The following MGAT5 variants were observed in gnomAD, a reference collection of about 807,000 sequenced individuals.
MGAT5 encodes the protein alpha-1,6-mannosylglycoprotein 6-beta-N-acetylglucosaminyltransferase A.
A neutral mutation model predicts 94.3 loss-of-function variants in MGAT5; 30 were observed. The ratio of observed to expected loss-of-function variants is 0.32; its 90% CI spans 0.24 to 0.43. The LOEUF (loss-of-function observed/expected upper bound fraction) is 0.43, where lower values mean the gene tolerates loss of function less well. Among genes scored for constraint, MGAT5 ranks in the 20% least tolerant of loss-of-function variants. The pLI, the probability that MGAT5 is intolerant of heterozygous loss-of-function variation, is 1.00. For synonymous variants in MGAT5, 310 were observed against 322.9 expected (o/e 0.96, Z 0.43); for missense variants, 691 against 905.5 (o/e 0.76, Z 3.04).
At chr2:134,441,628 G>A in intron 14 of MGAT5, 130 bp from the exon 15 acceptor site, 1 of 1,110,102 alleles carries the variant, frequency 9.0e-7, no homozygotes, top group Non-Finnish European at 1.3e-6. Flanking sequence ...GCCCATCCAT[G>A]TGGCTCCCAA....
At chr2:134,329,204 T>C (rs1243716216) in intron 4 of MGAT5, among the ~76,000 whole-genome samples, 1 of 152,070 alleles carries the variant, frequency 6.6e-6, no homozygotes, top group Non-Finnish European at 1.5e-5. Flanking sequence ...GGAGGTTGGC[T>C]TATGTAGGGC....
intron 2 of MGAT5, among the ~76,000 whole-genome samples, chr2:134,284,080 A>T (rs1435054299): frequency 1.3e-5 from 2 of 152,190 alleles, no homozygotes; most frequent in Non-Finnish European, 2.9e-5. Flanking sequence ...TTTCAGATCC[A>T]GAGATTCATG....
chr2:134,143,535 G>A (rs562204996), intron 1 of MGAT5, among the ~76,000 whole-genome samples: 23 of 152,262 alleles, frequency 1.5e-4, no homozygotes, highest in African/African-American at 4.6e-4. Flanking sequence ...AACCGCGCTC[G>A]GCGCATCCTG....
intron 4 of MGAT5, among the ~76,000 whole-genome samples, chr2:134,331,899 C>T (rs1687998287): frequency 6.6e-6 from 1 of 151,900 alleles, no homozygotes; most frequent in Non-Finnish European, 1.5e-5. Flanking sequence ...CAAACCACTG[C>T]TCAATGAAAT....
intron 1 of MGAT5, among the ~76,000 whole-genome samples, chr2:134,192,044 T>C (rs999489478): frequency 1.4e-5 from 2 of 141,912 alleles, no homozygotes; most frequent in African/African-American, 5.3e-5. Flanking sequence ...AAGGGTGGGT[T>C]CGCGCCTTCC....
At chr2:134,192,624 A>G (rs184710107) in intron 1 of MGAT5, among the ~76,000 whole-genome samples, 35 of 152,358 alleles carry the variant, frequency 2.3e-4, no homozygotes, top group African/African-American at 8.4e-4. Context: ...ATGATATACA[A>G]ATGTAGGAGT....
At chr2:134,383,841 G>A (rs111985001) in intron 10 of MGAT5, among the ~76,000 whole-genome samples, 3,881 of 151,942 alleles carry the variant, frequency 0.026, 169 homozygotes, top group African/African-American at 0.088. Context: ...CACCATGCCC[G>A]GCTAATTTTT....
intron 2 of MGAT5, among the ~76,000 whole-genome samples, chr2:134,314,945 T>C (rs889693095): frequency 6.6e-6 from 1 of 152,162 alleles, no homozygotes; most frequent in African/African-American, 2.4e-5. Flanking sequence ...CTGTGGCTGC[T>C]TTTTCATGAC....
At chr2:134,338,492 G>C in intron 6 of MGAT5, 72 bp downstream of exon 6, 1 of 1,451,904 alleles carries the variant, frequency 6.9e-7, no homozygotes, top group Non-Finnish European at 9.3e-7. Flanking sequence ...TTGGAAACAA[G>C]ACTAAGAGAA....
At chr2:134,208,076 G>A (rs1315315674) in intron 1 of MGAT5, among the ~76,000 whole-genome samples, 1 of 152,060 alleles carries the variant, frequency 6.6e-6, no homozygotes, top group Non-Finnish European at 1.5e-5. Flanking sequence ...GGGATGATAA[G>A]TGAAGGATCC....
rs2106049329 is a variant in MGAT5, at chr2:134,350,205, T to G, written c.1246+267T>G. Among the ~76,000 whole-genome samples the G allele has an allele frequency of 2.0e-5, 3 of 152,320 alleles. No homozygotes were observed. The South Asian group carries it at 6.2e-4, about 32-fold the overall frequency. On this transcript the variant is annotated intron_variant, in intron 9 of 15. Transcript: ENST00000281923. ...ATACAAAGTATCTTTAGAAACTATTTGGGAAAGGACTTTGCAGTTACTTTA... is the reference window on the plus strand; with the variant it reads ...ATACAAAGTATCTTTAGAAACTATTGGGGAAAGGACTTTGCAGTTACTTTA...
intron 1 of MGAT5, among the ~76,000 whole-genome samples, chr2:134,199,031 C>G (rs1679637662): frequency 6.6e-6 from 1 of 152,180 alleles, no homozygotes; most frequent in African/African-American, 2.4e-5. Context: ...TAAAAATTAG[C>G]CCACCAGGAA....
At chr2:134,374,600 A>G (rs1681039055) in intron 10 of MGAT5, among the ~76,000 whole-genome samples, 1 of 152,198 alleles carries the variant, frequency 6.6e-6, no homozygotes, top group Non-Finnish European at 1.5e-5. Context: ...TCGATACACA[A>G]TTCTTTACTT....
Position 134,254,164 on chromosome 2 carries a change from A to T in MGAT5, c.-240A>T. On this transcript the variant is annotated 5_prime_UTR_variant, in exon 1 of 16. Transcript: ENST00000281923. The stretch of plus-strand genomic sequence containing the variant: ...ATTGAACCAGCAAATTTAAGAGTTG[A>T]CATTTTACTTAGAGGTATTCAAGTG... 1.7e-6 allele frequency: 1 copy of T among 583,110 alleles called. No individual in the cohort carries two copies. The highest frequency in any genetic ancestry group is 1.9e-5 in the African/African-American group (1 of 53,762). 36.1% of individuals were successfully genotyped at this position (583,110 alleles called of 1,614,324 possible).
At chr2:134,204,358 C>T (rs1309731623) in intron 1 of MGAT5, among the ~76,000 whole-genome samples, 2 of 152,142 alleles carry the variant, frequency 1.3e-5, no homozygotes, top group East Asian at 3.9e-4. Flanking sequence ...TGTACTGTGC[C>T]CCTTTCTTCC....
chr2:134,280,945 C>T (rs560848134), intron 2 of MGAT5, among the ~76,000 whole-genome samples: 2 of 152,306 alleles, frequency 1.3e-5, no homozygotes, highest in Admixed American at 6.5e-5. Context: ...TACCCATTCC[C>T]AATGTTGCAT....
At chr2:134,388,713 G>C (rs1250020856) in intron 10 of MGAT5, among the ~76,000 whole-genome samples, 2 of 140,140 alleles carry the variant, frequency 1.4e-5, no homozygotes, top group African/African-American at 5.3e-5. Context: ...TATATTTTCT[G>C]AAGTTGGTAG....
In MGAT5 at chr2:134,177,525, G is replaced by A. The variant is rs558099332; in HGVS notation, c.-143+57234G>A. On this transcript the variant is annotated intron_variant, in intron 1 of 16. Coordinates refer to the MGAT5 transcript ENST00000409645. ...CTGTGTGCCCAGGAAGATGACAAGA[G>A]TGCGGATTTCAGTGAGTAGCTGGCA... Among the ~76,000 whole-genome samples, 3 of 152,354 alleles carry A rather than the reference G, an allele frequency of 2.0e-5. No individual in the cohort carries two copies. The South Asian group carries it at 6.2e-4, about 32-fold the overall frequency.
At chr2:134,162,824 G>A (rs1687797496) in intron 1 of MGAT5, among the ~76,000 whole-genome samples, 1 of 152,196 alleles carries the variant, frequency 6.6e-6, no homozygotes, top group South Asian at 2.1e-4. Flanking sequence ...GGTAGGTGCT[G>A]TTATTACTGC....
Sources: allele counts gnomAD v4.1 joint callset (sites outside exome capture counted in the v4.1 genomes callset), GRCh38; gene constraint gnomAD v4.1.1; transcripts MANE v1.5; gene names NCBI Gene and HGNC (gene_info 2026-07-23, HGNC 2026-07-21).